PTS: variants seen among roughly 807,000 people sequenced by gnomAD.
PTS encodes the protein 6-pyruvoyl tetrahydrobiopterin synthase.
PTS carries 23 observed loss-of-function variants against 20.6 expected under a neutral mutation model. That is an observed-to-expected ratio of 1.12 (90% CI 0.80 to 1.58). The LOEUF (loss-of-function observed/expected upper bound fraction) is 1.58, where lower values mean the gene tolerates loss of function less well. Ranked by LOEUF, PTS falls within the 40% of genes most tolerant of loss-of-function variation. The probability of loss-of-function intolerance (pLI) is 0.00; values close to 1 mark genes in which losing one functional copy is unlikely to be tolerated. For missense variants in PTS, 186 were observed against 182.4 expected, an observed-to-expected ratio of 1.02 and a Z score of -0.11; for synonymous variants, 65 against 62.5, an observed-to-expected ratio of 1.04 and a Z score of -0.19.
At chr11:112,230,345 T>C in intron 3 of PTS, 115 bp downstream of exon 3, 1 of 1,293,134 alleles carries the variant, frequency 7.7e-7, no homozygotes, top group South Asian at 1.2e-5. Flanking sequence ...TTGTTGGCCC[T>C]TGTATATGTG....
At chr11:112,233,103 CA>C in intron 4 of PTS, 59 bp from the exon 5 acceptor site, 1 of 1,487,174 alleles carries the variant, frequency 6.7e-7, no homozygotes, top group Non-Finnish European at 9.4e-7. Flanking sequence ...ATAAGTGGAA[CA>C]ATTTGGAATT....
At chr11:112,227,060 G>GA (rs561653313) in intron 1 of PTS, among the ~76,000 whole-genome samples, 2,212 of 130,798 alleles carry the variant, frequency 0.017, 27 homozygotes, top group Middle Eastern at 0.046. Flanking sequence ...GTGGCTAGGA[G>GA]AAAAAAAAAA....
chr11:112,230,251 T>C (rs1400491723), intron 3 of PTS, 21 bp downstream of exon 3: 2 of 1,611,774 alleles, frequency 1.2e-6, no homozygotes, highest in South Asian at 1.1e-5. Flanking sequence ...AAAATATTTG[T>C]GTGGTTTTTG....
At chr11:112,233,057 A>T in intron 4 of PTS, 106 bp from the exon 5 acceptor site, 1 of 1,053,944 alleles carries the variant, frequency 9.5e-7, no homozygotes, top group Non-Finnish European at 1.5e-6. Flanking sequence ...ACAAATATTT[A>T]GTTAGTGGCT....
Position 112,231,858 on chromosome 11 carries a change from G to A in PTS, c.243+1176G>A, listed in dbSNP as rs534085533. 1.3e-3 allele frequency among the ~76,000 whole-genome samples: 199 copies of A among 148,742 alleles called. 2 individuals are homozygous for A. Among genetic ancestry groups the A allele is most frequent in the South Asian group, 0.012 (53 of 4,558 alleles). Reference sequence around the variant, plus strand: ...ATGCATTTATGGGGCAGGGGTTGGGGGGCAGGCGGAGAGAGAGAGAGAGGG... The same window carrying A: ...ATGCATTTATGGGGCAGGGGTTGGGAGGCAGGCGGAGAGAGAGAGAGAGGG... On this transcript the variant is annotated intron_variant, in intron 4 of 5. Coordinates refer to ENST00000280362, the MANE Select transcript of PTS (RefSeq NM_000317.3).
chr11:112,233,290 A>G (rs1228539980), intron 5 of PTS, 57 bp downstream of exon 5: 1 of 1,567,244 alleles, frequency 6.4e-7, no homozygotes, highest in Non-Finnish European at 8.8e-7. Flanking sequence ...TGATTTGAAT[A>G]CTTTGATTGT....
intron 5 of PTS, 71 bp downstream of exon 5, chr11:112,233,304 G>A: frequency 1.9e-6 from 3 of 1,558,048 alleles, no homozygotes; most frequent in Non-Finnish European, 2.7e-6. Context: ...TGATTGTTGT[G>A]TGATTTCTGA....
At chr11:112,230,581 A>G (rs1859917273) in intron 3 of PTS, 45 bp from the exon 4 acceptor site, 1 of 1,509,924 alleles carries the variant, frequency 6.6e-7, no homozygotes, top group Non-Finnish European at 9.2e-7. Context: ...GCCGTTTAAT[A>G]TGGAGAGCCT....
chr11:112,231,883 G>T (rs1445899922), intron 4 of PTS, among the ~76,000 whole-genome samples: 1 of 128,482 alleles, frequency 7.8e-6, no homozygotes, highest in Non-Finnish European at 1.6e-5. Context: ...GAGAGAGAGG[G>T]AGACAGAGAC....
At chr11:112,229,919 G>A (rs1399139848) in intron 2 of PTS, among the ~76,000 whole-genome samples, 1 of 152,134 alleles carries the variant, frequency 6.6e-6, no homozygotes, top group East Asian at 1.9e-4. Context: ...GCTCCCTAGT[G>A]CATTAACATA....
rs1859976638 is a variant in PTS at position 112,233,731 on chromosome 11, C to T, written c.*176C>T. 1.2e-6 allele frequency: 1 copy of T among 829,044 alleles called. No individual in the cohort carries two copies. Among genetic ancestry groups the T allele is most frequent in the African/African-American group, 1.7e-5 (1 of 57,166 alleles). 51.4% of individuals were successfully genotyped at this position (829,044 alleles called of 1,614,324 possible). A position where few individuals can be genotyped will look rare whatever the true frequency, so the allele number is the denominator to read the frequency against. ...GTTATAAATTTAAGTCTATTTAAAA[C>T]TAAACTTGTAATATACATCCTGAAA... On this transcript the variant is annotated 3_prime_UTR_variant, in exon 6 of 6. Transcript: ENST00000280362.
chr11:112,228,150 T>A lies in PTS; in HGVS notation c.84-444T>A, dbSNP rs544815106. 1.5e-4 allele frequency: 26 copies of A among 172,208 alleles called. No individual in the cohort carries two copies. The South Asian group carries it at 1.9e-3, about 13-fold the overall frequency. The allele number at this position is 172,208 out of a possible 1,614,324, so 10.7% of individuals were successfully genotyped here. On this transcript the variant is annotated intron_variant, in intron 1 of 5. Coordinates refer to ENST00000280362, the MANE Select transcript of PTS (RefSeq NM_000317.3). ...GACTTACCAGGTCATGTAATTTTTT[T>A]AAATTATTTTTTCTGGATGAGTAGT...
Position 112,230,245 on chromosome 11 carries a change from T to C in PTS, c.186+15T>C, listed in dbSNP as rs1452748433. The C allele has an allele frequency of 3.1e-6, 5 of 1,612,600 alleles. No individual in the cohort carries two copies. The highest frequency in any genetic ancestry group is 4.2e-6 in the Non-Finnish European group (5 of 1,178,644). The stretch of plus-strand genomic sequence containing the variant: ...TACATGGAGAGGTATGTGCAGAAAA[T>C]ATTTGTGTGGTTTTTGCAGATTGCT... On this transcript the variant is annotated intron_variant, in intron 3 of 5. Coordinates refer to ENST00000280362, the MANE Select transcript of PTS (RefSeq NM_000317.3).
At chr11:112,230,032 A>G in intron 2 of PTS, 176 bp from the exon 3 acceptor site, 1 of 698,506 alleles carries the variant, frequency 1.4e-6, no homozygotes, top group South Asian at 1.8e-5. Flanking sequence ...GGTTGCTAAA[A>G]AAAAAATCTT....
intron 1 of PTS, chr11:112,228,292 G>T: frequency 4.8e-6 from 2 of 414,158 alleles, no homozygotes; most frequent in South Asian, 5.6e-5. Flanking sequence ...ACTCAGTAAT[G>T]TTGAATTGAA....
In PTS at chr11:112,233,593, C is replaced by G. The variant is rs200010468; in HGVS notation, c.*38C>G. 209 of 1,611,588 alleles carry G rather than the reference C, an allele frequency of 1.3e-4. No homozygotes were observed. The African/African-American group carries it at 2.5e-3, about 20-fold the overall frequency. On this transcript the variant is annotated 3_prime_UTR_variant, in exon 6 of 6. Coordinates refer to ENST00000280362, the MANE Select transcript of PTS (RefSeq NM_000317.3). ...GCATTGCACAAAGCCCAGTTTCTTT[C>G]TGTGTTTGAAAAAGATTTTGATCCC...
chr11:112,226,698 T>TATCA (rs1859870115), intron 1 of PTS, among the ~76,000 whole-genome samples, 172 bp downstream of exon 1: 1 of 151,710 alleles, frequency 6.6e-6, no homozygotes, highest in Admixed American at 6.6e-5. Context: ...AGCATCCTGA[T>TATCA]GGGGGCTGGA....
chr11:112,233,363 A>G, intron 5 of PTS, 69 bp from the exon 6 acceptor site: 1 of 1,539,916 alleles, frequency 6.5e-7, no homozygotes, highest in Non-Finnish European at 8.9e-7. Flanking sequence ...TATTTTCTGT[A>G]AATATTAAAC....
Position 112,226,431 on chromosome 11 carries a change from C to G in PTS, c.-13C>G. 1.3e-6 allele frequency: 2 copies of G among 1,572,272 alleles called. No individual in the cohort carries two copies. The highest frequency in any genetic ancestry group is 1.7e-6 in the Non-Finnish European group (2 of 1,160,372). ...GGAGGTGCCGGCCGAGCACCGCAGA[C>G]AGCGCCGGGAAGATGAGCACGGAAG... On this transcript the variant is annotated 5_prime_UTR_variant, in exon 1 of 6. Transcript: ENST00000280362.
Sources: gnomAD v4.1 joint callset for allele counts (sites outside exome capture counted in the v4.1 genomes callset) on GRCh38, gnomAD v4.1.1 for gene constraint, MANE v1.5 for transcripts, NCBI Gene and HGNC (gene_info 2026-07-23, HGNC 2026-07-21) for gene names.